Variants in PCGF5 observed in about 807,000 individuals in gnomAD.
PCGF5 encodes polycomb group RING finger protein 5.
In PCGF5, 9 loss-of-function variants were observed where a neutral mutation model predicts 44.3. The observed-to-expected ratio is 0.20, with a 90% CI of 0.12 to 0.35. The LOEUF is 0.35. Ranked by LOEUF, PCGF5 falls within the 10% of genes least tolerant of loss-of-function variation. PCGF5 has a pLI of 1.00. For synonymous variants in PCGF5, 95 were observed against 102.5 expected (o/e 0.93, Z 0.44); for missense variants, 146 against 305.3 (o/e 0.48, Z 3.89).
At chr10:91,220,066 G>C (rs958599024), upstream of PCGF5, 1 of 150,964 alleles carries the variant, frequency 6.6e-6, no homozygotes, top group African/African-American at 2.4e-5. Flanking sequence ...AAGTCCACTA[G>C]AAAGAGTACT....
intron 1 of PCGF5, among the ~76,000 whole-genome samples, chr10:91,204,178 G>A (rs185412966): frequency 1.3e-5 from 2 of 152,238 alleles, no homozygotes; most frequent in Admixed American, 1.3e-4. Context: ...ATAAGTTTAT[G>A]TCTACTCTTT....
In PCGF5 at chr10:91,260,621, T is replaced by C. The variant is rs187372106; in HGVS notation, c.475-705T>C. ...GTGGCACATATACACCATGGAATAC[T>C]ATGCAGCCATAAAAAATGATGTGTT... is the stretch of plus-strand genomic sequence containing the variant. On this transcript the variant is annotated intron_variant, in intron 6 of 9. Transcript: ENST00000336126. Among the ~76,000 whole-genome samples the C allele has an allele frequency of 3.5e-4, 54 of 152,246 alleles. No homozygotes were observed. In the East Asian group the frequency reaches 9.6e-3, roughly 27 times the overall value.
At chr10:91,209,967 T>G (rs1844418799) in intron 1 of PCGF5, among the ~76,000 whole-genome samples, 1 of 152,196 alleles carries the variant, frequency 6.6e-6, no homozygotes, top group South Asian at 2.1e-4. Context: ...GGTGTTTTTG[T>G]TTGTTGTTTA....
chr10:91,211,703 G>A (rs570293197), intron 1 of PCGF5, among the ~76,000 whole-genome samples: 12 of 152,200 alleles, frequency 7.9e-5, no homozygotes, highest in Non-Finnish European at 1.6e-4. Context: ...GGAAGAGGAG[G>A]AGGAGGGAGA....
At chr10:91,254,083 A>C (rs887827621) in intron 6 of PCGF5, among the ~76,000 whole-genome samples, 4 of 151,940 alleles carry the variant, frequency 2.6e-5, no homozygotes, top group African/African-American at 9.7e-5. Flanking sequence ...TTCCCTAACA[A>C]GCACCTCTTT....
At position 91,248,210 on chromosome 10, in the gene PCGF5, G is replaced by A. The variant is rs144046980; in HGVS notation, c.210-295G>A. On this transcript the variant is annotated intron_variant, in intron 3 of 9. Transcript: ENST00000336126. ...CCTCAACAAGTTTTAAAGCCAGACCGTATTTCCAAGGCAGGGGAATAAACT... is the reference window on the plus strand; with the variant it reads ...CCTCAACAAGTTTTAAAGCCAGACCATATTTCCAAGGCAGGGGAATAAACT... 6.2e-3 allele frequency among the ~76,000 whole-genome samples: 948 copies of A among 152,218 alleles called. 11 individuals are homozygous for A. The highest frequency in any genetic ancestry group is 0.021 in the African/African-American group (866 of 41,532).
At chr10:91,267,524 GTTATCTTTT>G (rs1211625509) in intron 8 of PCGF5, among the ~76,000 whole-genome samples, 1 of 152,144 alleles carries the variant, frequency 6.6e-6, no homozygotes, top group Non-Finnish European at 1.5e-5. Flanking sequence ...GAATGAAAAT[GTTATCTTTT>G]ACAAGGTAAT....
chr10:91,207,718 G>T (rs904142750), intron 1 of PCGF5, among the ~76,000 whole-genome samples: 2 of 152,012 alleles, frequency 1.3e-5, no homozygotes, highest in Non-Finnish European at 2.9e-5. Context: ...TGTCTTTCAT[G>T]ACATTAATAT....
intron 1 of PCGF5, among the ~76,000 whole-genome samples, chr10:91,173,625 G>C (rs1211828238): frequency 1.5e-5 from 2 of 137,692 alleles, no homozygotes; most frequent in Non-Finnish European, 3.0e-5. Context: ...GTAGCAGGAG[G>C]CAATTATAAG....
At position 91,186,586 on chromosome 10, in the gene PCGF5, GTA is replaced by G. The variant is rs1329765799; in HGVS notation, c.-184+23513_-184+23514del. ...TGTGTGTGTGTATATATATGTGTGT[GTA>G]TATATATGTGTATATATACACACAT... On this transcript the variant is annotated intron_variant, in intron 1 of 9. Coordinates refer to the PCGF5 transcript ENST00000614189. Among the ~76,000 whole-genome samples, 5 of 116,706 alleles carry G rather than the reference GTA, an allele frequency of 4.3e-5. No homozygotes were observed. The East Asian group carries it at 9.8e-4, about 23-fold the overall frequency. 76.6% of individuals were successfully genotyped at this position (116,706 alleles called of 152,430 possible).
intron 1 of PCGF5, among the ~76,000 whole-genome samples, chr10:91,167,332 A>G (rs573475788): frequency 6.6e-6 from 1 of 152,384 alleles, no homozygotes; most frequent in South Asian, 2.1e-4. Context: ...AGTCATGTAG[A>G]GCACATAAGA....
chr10:91,281,202 A>G lies in PCGF5; in HGVS notation c.*2886A>G, dbSNP rs1489390696. Reference sequence around the variant, plus strand: ...AAACTAAAATGCTCATTGATGAGGTAATACTCAGTCTGGAGTACAGGTAAC... The same window carrying G: ...AAACTAAAATGCTCATTGATGAGGTGATACTCAGTCTGGAGTACAGGTAAC... On this transcript the variant is annotated 3_prime_UTR_variant, in exon 10 of 10. Coordinates refer to ENST00000336126, the MANE Select transcript of PCGF5 (RefSeq NM_032373.5). 6.6e-6 allele frequency: 1 copy of G among 152,470 alleles called. No homozygotes were observed. The highest frequency in any genetic ancestry group is 1.5e-5 in the Non-Finnish European group (1 of 67,936). 9.4% of individuals were successfully genotyped at this position (152,470 alleles called of 1,614,324 possible). A position where few individuals can be genotyped will look rare whatever the true frequency, so the allele number is the denominator to read the frequency against.
intron 1 of PCGF5, among the ~76,000 whole-genome samples, chr10:91,166,819 T>C (rs1253621161): frequency 6.6e-6 from 1 of 152,198 alleles, no homozygotes; most frequent in African/African-American, 2.4e-5. Context: ...CCTTGAAGGA[T>C]TGTGTGAGAC....
intron 1 of PCGF5, among the ~76,000 whole-genome samples, chr10:91,204,976 A>G (rs190288421): frequency 2.6e-5 from 4 of 152,366 alleles, no homozygotes; most frequent in African/African-American, 4.8e-5. Context: ...AAATTGAAAT[A>G]TATCTGTAAA....
chr10:91,264,678 G>A (rs1846004152), intron 8 of PCGF5, among the ~76,000 whole-genome samples, 158 bp downstream of exon 8: 2 of 152,064 alleles, frequency 1.3e-5, no homozygotes, highest in Admixed American at 1.3e-4. Flanking sequence ...CTGATAATTG[G>A]TCCTATGTAT....
intron 1 of PCGF5, among the ~76,000 whole-genome samples, chr10:91,208,658 T>C (rs369738642): frequency 6.6e-6 from 1 of 152,138 alleles, no homozygotes; most frequent in Non-Finnish European, 1.5e-5. Flanking sequence ...CTGGTAGGCA[T>C]AGGGGAGAGA....
At chr10:91,157,648 C>T in the PCGF5 span, among the ~76,000 whole-genome samples, 4 of 152,148 alleles carry the variant, frequency 2.6e-5, no homozygotes, top group Admixed American at 2.0e-4. Flanking sequence ...CATCAAAGAT[C>T]GCCCATTTTA....
chr10:91,159,040 G>A (rs1335601037), upstream of PCGF5, among the ~76,000 whole-genome samples: 2 of 152,184 alleles, frequency 1.3e-5, no homozygotes, highest in African/African-American at 4.8e-5. Flanking sequence ...CAGGAAGCAG[G>A]AAATGTAGAG....
chr10:91,186,560 G>A (rs1054006265), intron 1 of PCGF5, among the ~76,000 whole-genome samples: 1 of 136,062 alleles, frequency 7.3e-6, no homozygotes, highest in African/African-American at 2.5e-5. Flanking sequence ...ATATATATAT[G>A]TGTGTGTGTG....
Sources: gnomAD v4.1 joint callset for allele counts (sites outside exome capture counted in the v4.1 genomes callset) on GRCh38, gnomAD v4.1.1 for gene constraint, MANE v1.5 for transcripts, NCBI Gene and HGNC (gene_info 2026-07-23, HGNC 2026-07-21) for gene names.